Variants in RBL1 observed in about 807,000 individuals in gnomAD.
RBL1 encodes retinoblastoma-like protein 1.
RBL1 carries 82 observed loss-of-function variants against 123.0 expected under a neutral mutation model. The ratio of observed to expected loss-of-function variants is 0.67; its 90% confidence interval spans 0.56 to 0.80. The LOEUF is 0.80. Among genes scored for constraint, RBL1 ranks in the 30% least tolerant of loss-of-function variants. The pLI, the probability that RBL1 is intolerant of heterozygous loss-of-function variation, is 0.00. For synonymous variants in RBL1, 405 were observed against 441.3 expected, an observed-to-expected ratio of 0.92 and a Z score of 1.03; for missense variants, 1,171 against 1,299.6, an observed-to-expected ratio of 0.90 and a Z score of 1.52.
At chr20:37,072,823 A>G (rs1237661204) in intron 2 of RBL1, among the ~76,000 whole-genome samples, 1 of 152,126 alleles carries the variant, frequency 6.6e-6, no homozygotes, top group Non-Finnish European at 1.5e-5. Flanking sequence ...GGATTCTGTG[A>G]TATGCTCTTT....
rs1002567923 is a variant in RBL1, at chr20:37,094,783, G to A, written c.156+990C>T. Among the ~76,000 whole-genome samples the A allele has an allele frequency of 3.9e-5, 6 of 152,136 alleles. 1 individual carries two copies. Among genetic ancestry groups the A allele is most frequent in the Admixed American group, 2.6e-4 (4 of 15,264 alleles). ...TCCCGAGTAGCTAGATTACAGGCAGGCGCCACCACACCCAGCTAGTTTTTG... is the reference window on the plus strand; with the variant it reads ...TCCCGAGTAGCTAGATTACAGGCAGACGCCACCACACCCAGCTAGTTTTTG... On this transcript the variant is annotated intron_variant, in intron 1 of 21. Transcript: ENST00000373664.
At chr20:37,018,139 A>T in intron 19 of RBL1, 140 bp downstream of exon 19, 1 of 987,854 alleles carries the variant, frequency 1.0e-6, no homozygotes. Flanking sequence ...CTAATCTCAA[A>T]CTTATTTGTT....
chr20:37,056,241 G>T lies in RBL1; in HGVS notation c.1268C>A (p.Pro423His). ...INIFESCVRN[P>H]VENIMKILKG... ...TAGTATTTTCATAATGTTTTCCACA[G>T]GATTACGCACACAAGATCTACAAAA... The change falls in exon 10 of 22, where the codon CCT (proline) becomes CAT (histidine). Residue 423 changes from proline (P) to histidine (H), a missense_variant. By Grantham distance (77) the Pro-to-His change is moderately conservative. Transcript: ENST00000373664. 6.2e-7 allele frequency: 1 copy of T among 1,606,826 alleles called. No individual in the cohort carries two copies.
intron 19 of RBL1, among the ~76,000 whole-genome samples, chr20:37,013,553 T>C (rs1380250544): frequency 3.0e-5 from 4 of 133,400 alleles, no homozygotes; most frequent in African/African-American, 1.2e-4. Context: ...CTGCCAAATC[T>C]CCCTCTGCGA....
chr20:37,054,639 G>A (rs2064973453), intron 11 of RBL1, among the ~76,000 whole-genome samples: 1 of 151,822 alleles, frequency 6.6e-6, no homozygotes, highest in Admixed American at 6.6e-5. Flanking sequence ...AGACCAGCCT[G>A]GCTAACATGG....
chr20:37,083,070 G>A (rs1433400324), intron 2 of RBL1, among the ~76,000 whole-genome samples: 1 of 152,176 alleles, frequency 6.6e-6, no homozygotes, highest in Non-Finnish European at 1.5e-5. Flanking sequence ...ATTATTATAA[G>A]TCAAAGCAAA....
In RBL1 at chr20:37,084,967, T is replaced by G. The variant is rs1481156761; in HGVS notation, c.290+4022A>C. Among the ~76,000 whole-genome samples the G allele has an allele frequency of 2.0e-5, 3 of 152,146 alleles. No homozygotes were observed. In the East Asian group the frequency reaches 5.8e-4, roughly 29 times the overall value. ...TTTTTATAGAAATGAGGTTTCACCA[T>G]GTTAGCCAGGCTGATCTTGAACTCC... On this transcript the variant is annotated intron_variant, in intron 2 of 21. Transcript: ENST00000373664.
chr20:37,012,306 C>T (rs1482767243), intron 19 of RBL1, among the ~76,000 whole-genome samples: 30 of 152,014 alleles, frequency 2.0e-4, no homozygotes, highest in Admixed American at 1.6e-3. Context: ...AAGTGAGGAG[C>T]GTCTCTGCCT....
Position 37,000,514 on chromosome 20 carries a change from G to C in RBL1, c.3037-1585C>G, listed in dbSNP as rs2063954580. 2.1e-5 allele frequency among the ~76,000 whole-genome samples: 3 copies of C among 142,910 alleles called. No individual in the cohort carries two copies. In the South Asian group the frequency reaches 6.6e-4, roughly 32 times the overall value. The allele number at this position is 142,910 out of a possible 152,430, so 93.8% of individuals were successfully genotyped here. On this transcript the variant is annotated intron_variant, in intron 21 of 21. Coordinates refer to ENST00000373664, the MANE Select transcript of RBL1 (RefSeq NM_002895.5). ...GCCAGCCGCCCCGTCCGGGAGGTGA[G>C]GGGCGCCTCTGCCCGGCCGCCCCTA...
intron 13 of RBL1, among the ~76,000 whole-genome samples, chr20:37,042,923 A>AC (rs2064755166): frequency 6.8e-6 from 1 of 147,308 alleles, no homozygotes; most frequent in African/African-American, 2.5e-5. Context: ...AAAAAAAAAA[A>AC]AAGTCAAAAG....
intron 18 of RBL1, among the ~76,000 whole-genome samples, chr20:37,018,861 C>T (rs1359529039): frequency 2.1e-5 from 3 of 144,876 alleles, no homozygotes; most frequent in African/African-American, 7.8e-5. Flanking sequence ...TGAGGCAGAA[C>T]TGCTTGAACT....
rs1568855469 is a variant in RBL1 at position 37,047,192 on chromosome 20, TG to T, written c.1468-3del. The T allele has an allele frequency of 1.3e-6, 2 of 1,580,724 alleles. No individual in the cohort carries two copies. The highest frequency in any genetic ancestry group is 1.2e-5 in the South Asian group (1 of 83,664). Reference sequence around the variant, plus strand: ...AAATATATCTTGCTCTAAAAGAACCTGGGGGAAGAGAAAGACCACAGTTTAA... The same window carrying T: ...AAATATATCTTGCTCTAAAAGAACCTGGGGAAGAGAAAGACCACAGTTTAA... On this transcript the variant is annotated splice_region_variant and splice_polypyrimidine_tract_variant and intron_variant, in intron 11 of 21. Coordinates refer to ENST00000373664, the MANE Select transcript of RBL1 (RefSeq NM_002895.5).
At chr20:37,062,389 C>T (rs2065110679) in intron 7 of RBL1, 119 bp from the exon 8 acceptor site, 41 of 1,433,084 alleles carry the variant, frequency 2.9e-5, no homozygotes, top group Non-Finnish European at 3.7e-5. Flanking sequence ...TTTTTATTAA[C>T]TCTGACCATC....
chr20:37,001,054 G>A (rs1233821575), intron 21 of RBL1, among the ~76,000 whole-genome samples: 6 of 142,348 alleles, frequency 4.2e-5, no homozygotes, highest in African/African-American at 1.1e-4. Context: ...CCGGCCAGCC[G>A]CCCCATCCGG....
At chr20:37,030,526 C>T (rs1353267786) in intron 16 of RBL1, among the ~76,000 whole-genome samples, 1 of 151,874 alleles carries the variant, frequency 6.6e-6, no homozygotes, top group African/African-American at 2.4e-5. Context: ...TGAGACCAGC[C>T]TGGGCAACAT....
intron 15 of RBL1, among the ~76,000 whole-genome samples, chr20:37,034,682 CA>C (rs576423214): frequency 0.011 from 1,543 of 143,804 alleles, 13 homozygotes; most frequent in Non-Finnish European, 0.017. Flanking sequence ...GATCCTGTCT[CA>C]AAAAATAAAA....
chr20:37,001,984 A>G (rs1162504272), intron 21 of RBL1, among the ~76,000 whole-genome samples: 4 of 151,114 alleles, frequency 2.6e-5, no homozygotes, highest in Non-Finnish European at 5.9e-5. Flanking sequence ...AATTTACTGT[A>G]TAACAGTAGC....
chr20:37,040,867 T>C (rs1023312292), intron 13 of RBL1, among the ~76,000 whole-genome samples: 1 of 152,138 alleles, frequency 6.6e-6, no homozygotes, highest in Non-Finnish European at 1.5e-5. Flanking sequence ...GATGAGAAAA[T>C]TGAGGATCTG....
chr20:37,040,070 AC>A (rs2064694863), intron 14 of RBL1, 82 bp downstream of exon 14: 4 of 1,565,104 alleles, frequency 2.6e-6, no homozygotes, highest in African/African-American at 1.4e-5. Context: ...TTAATAACAT[AC>A]TCACAAGACT....
Sources: gnomAD v4.1 joint callset for allele counts (sites outside exome capture counted in the v4.1 genomes callset) on GRCh38, gnomAD v4.1.1 for gene constraint, MANE v1.5 for transcripts, NCBI Gene and HGNC (gene_info 2026-07-23, HGNC 2026-07-21) for gene names.